Variants in PPP1R26 observed in about 807,000 individuals in gnomAD.
PPP1R26 encodes the protein 1A6/DRIM (down-regulated in metastasis) interacting protein.
PPP1R26 carries 22 observed loss-of-function variants against 67.6 expected under a neutral mutation model. The ratio of observed to expected loss-of-function variants is 0.33; its 90% confidence interval spans 0.23 to 0.46. The LOEUF (loss-of-function observed/expected upper bound fraction) is 0.46, where lower values mean the gene tolerates loss of function less well. Ranked by LOEUF, PPP1R26 falls within the 20% of genes least tolerant of loss-of-function variation. The pLI is 1.00. For missense variants in PPP1R26, 1,602 were observed against 1,651.4 expected (o/e 0.97, Z 0.52); for synonymous variants, 729 against 717.2 (o/e 1.02, Z -0.26).
At position 135,486,314 on chromosome 9, in the gene PPP1R26, G is replaced by T; in HGVS notation, c.1804G>T (p.Val602Leu). ...CKRKRRGGGH[V>L]RPSTPKKMQE... Reference sequence around the variant, plus strand: ...AAGGAAGCGTAGAGGTGGTGGCCATGTGAGGCCATCCACGCCCAAGAAAAT... The same window carrying T: ...AAGGAAGCGTAGAGGTGGTGGCCATTTGAGGCCATCCACGCCCAAGAAAAT... Residue 602 changes from valine (V) to leucine (L), a missense_variant, in exon 4 of 4, where the codon GTG becomes TTG. Val to Leu is a conservative substitution (Grantham distance 32). This residue lies in a region of PPP1R26 where 680 missense variants were observed against 726.1 expected (regional missense o/e 0.94). Coordinates refer to ENST00000356818, the MANE Select transcript of PPP1R26 (RefSeq NM_014811.5). This position sits in a 1 kb window ranked among gnomAD's most constrained non-coding sequence, Gnocchi z 6.2. 1 of 1,613,028 alleles carries T rather than the reference G, an allele frequency of 6.2e-7. No individual in the cohort carries two copies. The highest frequency in any genetic ancestry group is 1.1e-5 in the South Asian group (1 of 91,088).
chr9:135,485,247 A>T lies in PPP1R26; in HGVS notation c.737A>T (p.Asp246Val). The change falls in exon 4 of 4, where the codon GAT (aspartate) becomes GTT (valine). Residue 246 changes from aspartate (D) to valine (V), a missense_variant. By Grantham distance (152) the Asp-to-Val change is radical. Coordinates refer to ENST00000356818, the MANE Select transcript of PPP1R26 (RefSeq NM_014811.5). This position sits in a 1 kb window ranked among gnomAD's most constrained non-coding sequence, Gnocchi z 7.2. ...AGACAGCATGAGACCCAAAAATGTGATGGGTCAGTGGAGAAGAAACCAGAC... is the reference window on the plus strand; with the variant it reads ...AGACAGCATGAGACCCAAAAATGTGTTGGGTCAGTGGAGAAGAAACCAGAC... ...EKRQHETQKCDGSVEKKPDTN... is the reference protein window; with the variant it reads ...EKRQHETQKCVGSVEKKPDTN... The T allele has an allele frequency of 6.2e-7, 1 of 1,612,940 alleles. No homozygotes were observed. The highest frequency in any genetic ancestry group is 8.5e-7 in the Non-Finnish European group (1 of 1,179,948).
chr9:135,486,186 C>T lies in PPP1R26; in HGVS notation c.1676C>T (p.Pro559Leu), dbSNP rs1274929918. 5.6e-6 allele frequency: 9 copies of T among 1,612,966 alleles called. No individual in the cohort carries two copies. The highest frequency in any genetic ancestry group is 3.3e-5 in the Admixed American group (2 of 60,018). The change falls in exon 4 of 4, where the codon CCG becomes CTG. Residue 559 changes from proline (P) to leucine (L), a missense_variant. Pro to Leu is a moderately conservative substitution (Grantham distance 98). This residue lies in a region of PPP1R26 where 680 missense variants were observed against 726.1 expected (regional missense o/e 0.94). Transcript: ENST00000356818. This position sits in a 1 kb window ranked among gnomAD's most constrained non-coding sequence, Gnocchi z 6.2. ...TTGCTGGCCAGAGGTGAGAGCTGCC[C>T]GCAGGCTGCCCAGGGTCCACTTTTG... is the stretch of plus-strand genomic sequence containing the variant. ...GSLLARGESC[P>L]QAAQGPLLPP...
At position 135,485,577 on chromosome 9, in the gene PPP1R26, C is replaced by T. The variant is rs766119193; in HGVS notation, c.1067C>T (p.Ala356Val). 6 of 1,613,048 alleles carry T rather than the reference C, an allele frequency of 3.7e-6. No homozygotes were observed. Among genetic ancestry groups the T allele is most frequent in the South Asian group, 2.2e-5 (2 of 91,070 alleles). Residue 356 changes from alanine to valine, a missense_variant, in exon 4 of 4, where the codon GCG (alanine) becomes GTG (valine). Physicochemically the swap from Ala to Val is moderately conservative, Grantham distance 64. Coordinates refer to ENST00000356818, the MANE Select transcript of PPP1R26 (RefSeq NM_014811.5). This position sits in a 1 kb window ranked among gnomAD's most constrained non-coding sequence, Gnocchi z 7.2. ...AAGCGAGTCATGAGTGCGGCACAGG[C>T]GTCCGAGGCGTCCGACTCCAGCAGC... is the stretch of plus-strand genomic sequence containing the variant. Reference protein sequence around the residue: ...RGKRVMSAAQASEASDSSSDD... With the variant: ...RGKRVMSAAQVSEASDSSSDD...
In PPP1R26 at chr9:135,486,973, C is replaced by A. The variant is rs114046505; in HGVS notation, c.2463C>A (p.Pro821=). 2.3e-5 allele frequency: 37 copies of A among 1,612,744 alleles called. No homozygotes were observed. In the South Asian group the frequency reaches 4.0e-4, roughly 17 times the overall value. ...PRESQGPAPS[P]GSLSDDSSSV... is the part of the protein sequence containing the mutation. The stretch of plus-strand genomic sequence containing the variant: ...AGTCCCAGGGCCCAGCTCCCAGCCC[C>A]GGCTCCCTGTCTGATGACAGCAGTT... The change falls in exon 4 of 4, where the codon CCC becomes CCA. Residue 821 remains proline, a synonymous_variant. Transcript: ENST00000356818. The surrounding 1 kb of genome is among the most constrained non-coding windows in gnomAD (Gnocchi z 6.2).
At position 135,487,834 on chromosome 9, in the gene PPP1R26, G is replaced by T. The variant is rs1387083485; in HGVS notation, c.3324G>T (p.Gly1108=). 6.3e-7 allele frequency: 1 copy of T among 1,593,730 alleles called. No individual in the cohort carries two copies. Among genetic ancestry groups the T allele is most frequent in the Admixed American group, 1.8e-5 (1 of 56,742 alleles). The change falls in exon 4 of 4, where the codon GGG becomes GGT. Residue 1108 remains glycine, a synonymous_variant. Coordinates refer to ENST00000356818, the MANE Select transcript of PPP1R26 (RefSeq NM_014811.5). ...RQAGLFSPHL[G]LPLQGPSFSA... is the part of the protein sequence containing the mutation. ...CTGGCCTCTTCAGCCCCCACCTGGG[G>T]CTGCCTCTGCAGGGCCCCTCCTTCT...
Position 135,485,191 on chromosome 9 carries a change from G to A in PPP1R26, c.681G>A (p.Arg227=). The A allele has an allele frequency of 6.2e-7, 1 of 1,612,866 alleles. No individual in the cohort carries two copies. ...ATGACTCCTTCGAGCAGAGCATCAG[G>A]GCGGAAATAGAACAGTTTCTGAATG... The part of the protein sequence containing the change: ...SSDDSFEQSI[R]AEIEQFLNEK... Residue 227 remains arginine, a synonymous_variant, in exon 4 of 4, where the codon AGG becomes AGA. Transcript: ENST00000356818. The surrounding 1 kb of genome is among the most constrained non-coding windows in gnomAD (Gnocchi z 7.2).
rs1172919385 is a variant in PPP1R26, at chr9:135,487,822, C to G, written c.3312C>G (p.Ser1104Arg). The part of the protein sequence containing the change: ...SWGGRQAGLF[S>R]PHLGLPLQGP... ...GGGGCAGGCAGGCTGGCCTCTTCAG[C>G]CCCCACCTGGGGCTGCCTCTGCAGG... is the stretch of plus-strand genomic sequence containing the variant. Residue 1104 changes from serine (S) to arginine (R), a missense_variant, in exon 4 of 4, where the codon AGC becomes AGG. Coordinates refer to ENST00000356818, the MANE Select transcript of PPP1R26 (RefSeq NM_014811.5). 1 of 1,593,006 alleles carries G rather than the reference C, an allele frequency of 6.3e-7. No homozygotes were observed. Among genetic ancestry groups the G allele is most frequent in the South Asian group, 1.1e-5 (1 of 88,694 alleles).
Position 135,487,341 on chromosome 9 carries a change from G to T in PPP1R26, c.2831G>T (p.Gly944Val), listed in dbSNP as rs531283063. Reference protein sequence around the residue: ...GDPVPPRSTSGGVSAKGLSVS... With the variant: ...GDPVPPRSTSVGVSAKGLSVS... Reference sequence around the variant, plus strand: ...CCGGTGCCGCCCAGGAGCACCAGCGGCGGTGTCTCCGCCAAGGGGCTCTCA... The same window carrying T: ...CCGGTGCCGCCCAGGAGCACCAGCGTCGGTGTCTCCGCCAAGGGGCTCTCA... The change falls in exon 4 of 4, where the codon GGC (glycine) becomes GTC (valine). Residue 944 changes from glycine (G) to valine (V), a missense_variant. By Grantham distance (109) the Gly-to-Val change is moderately radical. This residue lies in a region of PPP1R26 where 740 missense variants were observed against 696.3 expected (regional missense o/e 1.06). Coordinates refer to ENST00000356818, the MANE Select transcript of PPP1R26 (RefSeq NM_014811.5). 1.3e-6 allele frequency: 2 copies of T among 1,553,720 alleles called. No homozygotes were observed. The highest frequency in any genetic ancestry group is 1.7e-6 in the Non-Finnish European group (2 of 1,152,336).
At position 135,487,637 on chromosome 9, in the gene PPP1R26, C is replaced by T. The variant is rs1247288587; in HGVS notation, c.3127C>T (p.Arg1043Cys). ...TCGGCTGCCCAGCCCGTGGGTGCTG[C>T]GCTCCGAAGGCAGAGATGCAGTGTG... Reference protein sequence around the residue: ...QSRLPSPWVLRSEGRDAVWRG... With the variant: ...QSRLPSPWVLCSEGRDAVWRG... Residue 1043 changes from arginine (R) to cysteine (C), a missense_variant, in exon 4 of 4, where the codon CGC becomes TGC. Physicochemically the swap from Arg to Cys is radical, Grantham distance 180. Coordinates refer to ENST00000356818, the MANE Select transcript of PPP1R26 (RefSeq NM_014811.5). The T allele has an allele frequency of 2.0e-5, 30 of 1,477,852 alleles. No homozygotes were observed. The highest frequency in any genetic ancestry group is 7.3e-5 in the East Asian group (3 of 40,848). 91.5% of individuals were successfully genotyped at this position (1,477,852 alleles called of 1,614,324 possible).
intron 1 of PPP1R26, among the ~76,000 whole-genome samples, chr9:135,481,246 T>TC (rs905711097): frequency 6.7e-6 from 1 of 150,192 alleles, no homozygotes; most frequent in African/African-American, 2.4e-5. Context: ...GTTTTTTTTT[T>TC]TTTTTTTTTT....
intron 1 of PPP1R26, among the ~76,000 whole-genome samples, chr9:135,481,542 A>T (rs72764694): frequency 0.015 from 2,325 of 150,110 alleles, 32 homozygotes; most frequent in South Asian, 0.024. Flanking sequence ...TCCCCGACCC[A>T]GGGGGCTTTT....
At chr9:135,480,162 G>T in intron 1 of PPP1R26, 140 bp downstream of exon 1, 1 of 150,902 alleles carries the variant, frequency 6.6e-6, no homozygotes, top group South Asian at 1.9e-4. Flanking sequence ...CGAGGCAGGC[G>T]GACGGGGATC....
chr9:135,485,020 T>C lies in PPP1R26; in HGVS notation c.510T>C (p.Ser170=), dbSNP rs1327356220. The change falls in exon 4 of 4, where the codon AGT becomes AGC. Residue 170 remains serine, a synonymous_variant. Coordinates refer to ENST00000356818, the MANE Select transcript of PPP1R26 (RefSeq NM_014811.5). This position sits in a 1 kb window ranked among gnomAD's most constrained non-coding sequence, Gnocchi z 7.2. ...CTTCCAGGGCCGCAGGCGGAGGCAGTAGATGTAAGCCGGAACCGGCTCACG... is the reference window on the plus strand; with the variant it reads ...CTTCCAGGGCCGCAGGCGGAGGCAGCAGATGTAAGCCGGAACCGGCTCACG... ...AQPSRAAGGG[S]RCKPEPAHGS... The C allele has an allele frequency of 6.3e-7, 1 of 1,591,724 alleles. No homozygotes were observed. Among genetic ancestry groups the C allele is most frequent in the Non-Finnish European group, 8.5e-7 (1 of 1,169,804 alleles).
In PPP1R26 at chr9:135,485,324, A is replaced by G. The variant is rs2119282887; in HGVS notation, c.814A>G (p.Thr272Ala). Residue 272 changes from threonine (T) to alanine (A), a missense_variant, in exon 4 of 4, where the codon ACA becomes GCA. By Grantham distance (58) the Thr-to-Ala change is moderately conservative (BLOSUM62 0). This residue lies in a region of PPP1R26 where 680 missense variants were observed against 726.1 expected (regional missense o/e 0.94). Coordinates refer to ENST00000356818, the MANE Select transcript of PPP1R26 (RefSeq NM_014811.5). This position sits in a 1 kb window ranked among gnomAD's most constrained non-coding sequence, Gnocchi z 7.2. ...CTTGAAATCCCACCAAGAGCCGCCT[A>G]CAAAGGTGGTGCATCGGCAGGGCCT... ...SLLKSHQEPP[T>A]KVVHRQGLLG... 3 of 1,613,124 alleles carry G rather than the reference A, an allele frequency of 1.9e-6. No individual in the cohort carries two copies. Among genetic ancestry groups the G allele is most frequent in the East Asian group, 2.2e-5 (1 of 44,878 alleles).
rs748999845 is a variant in PPP1R26, at chr9:135,486,699, A to G, written c.2189A>G (p.His730Arg). Residue 730 changes from histidine (H) to arginine (R), a missense_variant, in exon 4 of 4, where the codon CAC becomes CGC. Physicochemically the swap from His to Arg is conservative, Grantham distance 29 (BLOSUM62 0). This residue lies in a region of PPP1R26 where 740 missense variants were observed against 696.3 expected (regional missense o/e 1.06). Coordinates refer to ENST00000356818, the MANE Select transcript of PPP1R26 (RefSeq NM_014811.5). This position sits in a 1 kb window ranked among gnomAD's most constrained non-coding sequence, Gnocchi z 6.2. ...GTCAGGTTCAGCACAGCCCAGACGC[A>G]CTTCTTGGAGCAGCTGGGCGGGCTC... ...KKVRFSTAQT[H>R]FLEQLGGLRR... The G allele has an allele frequency of 1.2e-5, 19 of 1,594,692 alleles. 1 individual carries two copies. The South Asian group carries it at 2.0e-4, about 17-fold the overall frequency.
chr9:135,486,540 A>C lies in PPP1R26; in HGVS notation c.2030A>C (p.Lys677Thr), dbSNP rs1422261515. The change falls in exon 4 of 4, where the codon AAA becomes ACA. Residue 677 changes from lysine (K) to threonine (T), a missense_variant. Lys to Thr is a moderately conservative substitution (Grantham distance 78). Coordinates refer to ENST00000356818, the MANE Select transcript of PPP1R26 (RefSeq NM_014811.5). The surrounding 1 kb of genome is among the most constrained non-coding windows in gnomAD (Gnocchi z 6.2). ...KTDEARRLDE[K>T]ESSEDKSSSL... ...GACGAGGCAAGGCGCCTAGACGAGA[A>C]AGAGAGCTCTGAAGACAAAAGCAGC... 1.2e-6 allele frequency: 2 copies of C among 1,612,320 alleles called. No homozygotes were observed. Among genetic ancestry groups the C allele is most frequent in the Non-Finnish European group, 1.7e-6 (2 of 1,179,974 alleles).
In PPP1R26 at chr9:135,487,288, G is replaced by T; in HGVS notation, c.2778G>T (p.Gly926=). 1 of 1,553,846 alleles carries T rather than the reference G, an allele frequency of 6.4e-7. No individual in the cohort carries two copies. Among genetic ancestry groups the T allele is most frequent in the Non-Finnish European group, 8.7e-7 (1 of 1,151,562 alleles). Residue 926 remains glycine, a synonymous_variant, in exon 4 of 4, where the codon GGG becomes GGT. Coordinates refer to ENST00000356818, the MANE Select transcript of PPP1R26 (RefSeq NM_014811.5). ...TAGLFSQGGK[G]LPAAPARGDP... ...GTCTGTTCAGCCAGGGCGGGAAGGG[G>T]CTCCCTGCTGCTCCTGCCCGAGGGG...
chr9:135,484,649 G>T lies in PPP1R26; in HGVS notation c.139G>T (p.Val47Leu). 4 of 1,611,320 alleles carry T rather than the reference G, an allele frequency of 2.5e-6. 1 individual carries two copies. Among genetic ancestry groups the T allele is most frequent in the South Asian group, 2.2e-5 (2 of 91,070 alleles). Residue 47 changes from valine to leucine, a missense_variant, in exon 4 of 4, where the codon GTG becomes TTG. By Grantham distance (32) the Val-to-Leu change is conservative. Coordinates refer to ENST00000356818, the MANE Select transcript of PPP1R26 (RefSeq NM_014811.5). ...GGAGAGCGCGTCGGTGAGCGCCCGGGTGCAGATGCTTATCAGCACTCTGCA... is the reference window on the plus strand; with the variant it reads ...GGAGAGCGCGTCGGTGAGCGCCCGGTTGCAGATGCTTATCAGCACTCTGCA... ...GVESASVSAR[V>L]QMLISTLQRD...
chr9:135,480,734 T>G (rs1037244373), intron 1 of PPP1R26: 1 of 152,266 alleles, frequency 6.6e-6, no homozygotes, highest in Non-Finnish European at 1.5e-5. Context: ...ACGCTTGTAG[T>G]GAGGTTGTAA....
Sources: allele counts gnomAD v4.1 joint callset (sites outside exome capture counted in the v4.1 genomes callset), GRCh38; gene constraint gnomAD v4.1.1; regional missense constraint gnomAD v4.1.1; non-coding constraint Gnocchi (gnomAD v3.1); transcripts MANE v1.5; gene names NCBI Gene and HGNC (gene_info 2026-07-23, HGNC 2026-07-21).